WWOX: variants seen among roughly 807,000 people sequenced by gnomAD.
WWOX encodes the protein WW domain containing oxidoreductase.
A neutral mutation model predicts 46.2 loss-of-function variants in WWOX; 69 were observed. The ratio of observed to expected loss-of-function variants is 1.49; its 90% CI spans 1.23 to 1.82. The LOEUF is 1.82. WWOX is among the 40% of genes most tolerant of loss of function. The probability of loss-of-function intolerance (pLI) is 0.00; values close to 1 mark genes in which losing one functional copy is unlikely to be tolerated. For synonymous variants in WWOX, 359 were observed against 202.6 expected (o/e 1.77, Z -6.56); for missense variants, 919 against 542.6 (o/e 1.69, Z -6.89).
chr16:78,453,439 T>A (rs200254794), intron 8 of WWOX, among the ~76,000 whole-genome samples: 7,328 of 132,100 alleles, frequency 0.055, 578 homozygotes, highest in African/African-American at 0.19. Context: ...AAAAAAAAAA[T>A]TTCTTATTCA....
At chr16:78,780,501 A>G (rs541514317) in intron 8 of WWOX, 2 of 152,368 alleles carry the variant, frequency 1.3e-5, no homozygotes, top group South Asian at 4.1e-4. Context: ...GGGGAAGAAG[A>G]CAATAGGCAA....
chr16:78,725,775 G>A (rs1197322077), intron 8 of WWOX, among the ~76,000 whole-genome samples: 1 of 152,032 alleles, frequency 6.6e-6, no homozygotes, highest in African/African-American at 2.4e-5. Context: ...CTCCAGGGAT[G>A]ATCTACTCCA....
chr16:78,221,265 A>G (rs912601644), intron 5 of WWOX, among the ~76,000 whole-genome samples: 1 of 152,170 alleles, frequency 6.6e-6, no homozygotes, highest in Non-Finnish European at 1.5e-5. Flanking sequence ...TATAATTTCT[A>G]TTTGTATTGG....
At chr16:78,688,837 T>C (rs1337014201) in intron 8 of WWOX, among the ~76,000 whole-genome samples, 1 of 152,160 alleles carries the variant, frequency 6.6e-6, no homozygotes, top group East Asian at 1.9e-4. Flanking sequence ...GGTGATTGAA[T>C]CATGTGTGCA....
At chr16:78,215,995 G>T (rs548500730) in intron 5 of WWOX, among the ~76,000 whole-genome samples, 92 of 151,938 alleles carry the variant, frequency 6.1e-4, no homozygotes, top group Admixed American at 4.6e-4. Flanking sequence ...CCATTTCACA[G>T]ATGAGCCACT....
chr16:78,655,729 A>G (rs577770857), intron 8 of WWOX, among the ~76,000 whole-genome samples: 8 of 152,086 alleles, frequency 5.3e-5, no homozygotes, highest in Non-Finnish European at 7.4e-5. Context: ...TGTGGTTCCT[A>G]TTATAGAATT....
At position 78,716,212 on chromosome 16, in the gene WWOX, G is replaced by C. The variant is rs1407627047; in HGVS notation, c.1056+283460G>C. On this transcript the variant is annotated intron_variant, in intron 8 of 8. Transcript: ENST00000566780. ...GTGAAGAAAAACATAGGGCCGTGTA[G>C]AGGCAGAGGCAGAGATTGAAATTGT... Among the ~76,000 whole-genome samples the C allele has an allele frequency of 2.6e-5, 4 of 152,202 alleles. No individual in the cohort carries two copies. The East Asian group carries it at 5.8e-4, about 22-fold the overall frequency.
intron 8 of WWOX, among the ~76,000 whole-genome samples, chr16:79,130,352 G>T (rs1040833233): frequency 4.6e-5 from 7 of 152,198 alleles, no homozygotes; most frequent in Admixed American, 3.3e-4. Flanking sequence ...CATACAGCAT[G>T]ATGATTAATA....
chr16:78,387,000 T>A (rs752170996), intron 6 of WWOX, 52 bp downstream of exon 6: 6 of 1,546,494 alleles, frequency 3.9e-6, no homozygotes, highest in Non-Finnish European at 5.4e-6. Context: ...TATTGTAATA[T>A]CTTTATCAGA....
chr16:78,475,501 C>A (rs1480954896), intron 8 of WWOX, among the ~76,000 whole-genome samples: 1 of 152,152 alleles, frequency 6.6e-6, no homozygotes, highest in Non-Finnish European at 1.5e-5. Flanking sequence ...AAGTTTAGAC[C>A]TATTTTAATA....
At chr16:78,869,097 A>G (rs971710368) in intron 8 of WWOX, among the ~76,000 whole-genome samples, 1 of 152,172 alleles carries the variant, frequency 6.6e-6, no homozygotes, top group Non-Finnish European at 1.5e-5. Flanking sequence ...ATTAGTTTTG[A>G]TTACATTAGT....
chr16:78,371,935 T>A (rs1341473985), intron 5 of WWOX, among the ~76,000 whole-genome samples: 1 of 152,222 alleles, frequency 6.6e-6, no homozygotes, highest in Non-Finnish European at 1.5e-5. Flanking sequence ...ATTTCCAGCT[T>A]ATGTAACAGT....
chr16:78,407,424 C>G (rs1397806839), intron 6 of WWOX, among the ~76,000 whole-genome samples: 1 of 152,180 alleles, frequency 6.6e-6, no homozygotes, highest in Non-Finnish European at 1.5e-5. Context: ...TCCCCCAAAG[C>G]CACAATTATC....
At chr16:78,427,009 A>C (rs1359905430) in intron 7 of WWOX, among the ~76,000 whole-genome samples, 3 of 152,186 alleles carry the variant, frequency 2.0e-5, no homozygotes, top group Admixed American at 2.0e-4. Context: ...CAATTTCCCC[A>C]GGCTGGCTTG....
intron 8 of WWOX, among the ~76,000 whole-genome samples, chr16:78,998,763 A>G (rs759363966): frequency 3.9e-5 from 6 of 152,222 alleles, no homozygotes; most frequent in Non-Finnish European, 8.8e-5. Flanking sequence ...CGTTGCTTCT[A>G]TTGAATGACT....
intron 8 of WWOX, among the ~76,000 whole-genome samples, chr16:79,121,242 CTT>C (rs1008653670): frequency 1.6e-4 from 24 of 152,276 alleles, no homozygotes; most frequent in African/African-American, 5.8e-4. Context: ...GCAGGGGGCA[CTT>C]TTCTGCCTAC....
At chr16:79,128,765 G>A (rs1465734786) in intron 8 of WWOX, among the ~76,000 whole-genome samples, 2 of 152,222 alleles carry the variant, frequency 1.3e-5, no homozygotes, top group African/African-American at 4.8e-5. Flanking sequence ...TCAATCTGAA[G>A]TCAGGGATAA....
rs367904168 is a variant in WWOX at position 78,985,485 on chromosome 16, AG to A, written c.1057-226119del. ...AAGTCGCCTGCACTACATTCAGAAT[AG>A]GGGCCAGGCGCGGTGGCTCACGCTG... On this transcript the variant is annotated intron_variant, in intron 8 of 8. Transcript: ENST00000566780. 2.4e-3 allele frequency among the ~76,000 whole-genome samples: 366 copies of A among 152,300 alleles called. 1 individual carries two copies. Among genetic ancestry groups the A allele is most frequent in the African/African-American group, 7.8e-3 (326 of 41,568 alleles).
At chr16:78,999,107 C>G (rs928901115) in intron 8 of WWOX, among the ~76,000 whole-genome samples, 2 of 151,714 alleles carry the variant, frequency 1.3e-5, no homozygotes, top group African/African-American at 4.8e-5. Context: ...AACTGCAGAG[C>G]CAGCTCAAGA....
Sources: gnomAD v4.1 joint callset for allele counts (sites outside exome capture counted in the v4.1 genomes callset) on GRCh38, gnomAD v4.1.1 for gene constraint, MANE v1.5 for transcripts, NCBI Gene and HGNC (gene_info 2026-07-23, HGNC 2026-07-21) for gene names.